Variants in SPATA13 observed in about 807,000 individuals in gnomAD.
SPATA13 encodes spermatogenesis associated 13.
In SPATA13, 50 loss-of-function variants were observed where a neutral mutation model predicts 104.0. The observed-to-expected ratio is 0.48, with a 90% CI of 0.38 to 0.61. SPATA13 has a LOEUF of 0.61. Ranked by LOEUF, SPATA13 falls within the 20% of genes least tolerant of loss-of-function variation. The pLI, the probability that SPATA13 is intolerant of heterozygous loss-of-function variation, is 0.00. For synonymous variants in SPATA13, 606 were observed against 667.5 expected (o/e 0.91, Z 1.42); for missense variants, 1,524 against 1,690.6 (o/e 0.90, Z 1.73).
At chr13:24,281,803 A>T (rs1875543468) in intron 4 of SPATA13, among the ~76,000 whole-genome samples, 1 of 152,030 alleles carries the variant, frequency 6.6e-6, no homozygotes, top group Non-Finnish European at 1.5e-5. Context: ...AGTCTGAGAG[A>T]GGGGCTGGGG....
chr13:24,047,078 G>A (rs960801479), intron 3 of SPATA13, among the ~76,000 whole-genome samples: 1 of 152,168 alleles, frequency 6.6e-6, no homozygotes, highest in African/African-American at 2.4e-5. Flanking sequence ...GAAATTGTAG[G>A]GGTGTGGAAA....
chr13:24,193,139 C>T (rs1426397920), intron 1 of SPATA13, among the ~76,000 whole-genome samples: 2 of 152,148 alleles, frequency 1.3e-5, no homozygotes, highest in African/African-American at 2.4e-5. Flanking sequence ...TGGGGAGGAC[C>T]TTCAGGAAGC....
intron 11 of SPATA13, among the ~76,000 whole-genome samples, chr13:24,299,517 G>A (rs927179144): frequency 6.6e-6 from 1 of 152,232 alleles, no homozygotes; most frequent in Non-Finnish European, 1.5e-5. Flanking sequence ...GGACAGCCCG[G>A]TGGCCAGCGT....
intron 1 of SPATA13, among the ~76,000 whole-genome samples, chr13:24,222,349 C>T (rs1871632712): frequency 6.6e-6 from 1 of 152,196 alleles, no homozygotes; most frequent in Non-Finnish European, 1.5e-5. Context: ...GCTCCTCATG[C>T]TTATTCCTGC....
rs1191227821 is a variant in SPATA13 at position 24,223,636 on chromosome 13, A to G, written c.707A>G (p.Glu236Gly). 7.7e-6 allele frequency: 12 copies of G among 1,551,928 alleles called. No homozygotes were observed. The highest frequency in any genetic ancestry group is 9.6e-6 in the Non-Finnish European group (11 of 1,147,110). ...ACTGGCCAGGTGCCCGCCGTGTGTG[A>G]GATTCTCGTGAGGGACCCTGAAAAC... ...IATGQVPAVC[E>G]ILVRDPENNS... The change falls in exon 2 of 13, where the codon GAG becomes GGG. Residue 236 changes from glutamate to glycine, a missense_variant. Glu to Gly is a moderately conservative substitution (Grantham distance 98, BLOSUM62 -2). Around this residue, in one of 2 missense-constraint regions of SPATA13, gnomAD observed 1,089 missense variants for 1,135.9 expected, o/e 0.96. Transcript: ENST00000382108.
At position 24,251,953 on chromosome 13, in the gene SPATA13, C is replaced by A. The variant is rs539027920; in HGVS notation, c.2164+91C>A. ...TGAGGCAGCAGGTTCTGCACCTTCG[C>A]GCCTCCCTTGGGCCAGGGCGCGTTT... On this transcript the variant is annotated intron_variant, in intron 4 of 12. Coordinates refer to ENST00000382108, the MANE Select transcript of SPATA13 (RefSeq NM_001166271.3). 2.7e-6 allele frequency: 4 copies of A among 1,486,948 alleles called. No homozygotes were observed. The African/African-American group carries it at 4.2e-5, about 16-fold the overall frequency. 92.1% of individuals were successfully genotyped at this position (1,486,948 alleles called of 1,614,324 possible).
At chr13:24,063,646 G>T (rs1878851494) in intron 3 of SPATA13, among the ~76,000 whole-genome samples, 1 of 152,126 alleles carries the variant, frequency 6.6e-6, no homozygotes, top group African/African-American at 2.4e-5. Context: ...GCCCACTCAA[G>T]TGGGGGCGGC....
chr13:24,226,696 G>A (rs1871960311), intron 2 of SPATA13, among the ~76,000 whole-genome samples: 2 of 152,196 alleles, frequency 1.3e-5, no homozygotes, highest in Admixed American at 6.5e-5. Flanking sequence ...CATCCCTGGG[G>A]AGGACCTCAG....
At chr13:24,027,604 G>A (rs1184239850) in intron 3 of SPATA13, among the ~76,000 whole-genome samples, 5 of 152,060 alleles carry the variant, frequency 3.3e-5, no homozygotes, top group African/African-American at 1.2e-4. Context: ...TTGAGTTGCT[G>A]TTTTTTATCT....
intron 3 of SPATA13, among the ~76,000 whole-genome samples, chr13:24,077,200 C>G (rs1023030430): frequency 7.8e-6 from 1 of 128,962 alleles, no homozygotes; most frequent in African/African-American, 2.9e-5. Context: ...TTATCTGGAA[C>G]ATGGAACAAA....
chr13:24,281,636 G>GGGTTTCTCTGAGAGGGGCACCCCAGGCA (rs71070675), intron 4 of SPATA13, among the ~76,000 whole-genome samples: 718 of 152,304 alleles, frequency 4.7e-3, no homozygotes, highest in Non-Finnish European at 8.7e-3. Context: ...TGGGATGTCG[G>GGGTTTCTCTGAGAGGGGCACCCCAGGCA]GGTTTCTCTG....
At chr13:24,049,369 C>T (rs914592187) in intron 3 of SPATA13, among the ~76,000 whole-genome samples, 6 of 152,188 alleles carry the variant, frequency 3.9e-5, no homozygotes, top group African/African-American at 1.2e-4. Context: ...AGTACAGTAA[C>T]GTGTGCAGGT....
intron 2 of SPATA13, among the ~76,000 whole-genome samples, chr13:23,993,550 C>T (rs1875516891): frequency 6.6e-6 from 1 of 152,196 alleles, no homozygotes; most frequent in African/African-American, 2.4e-5. Context: ...CAGTTTCTGC[C>T]AAGGACGTTC....
chr13:23,995,657 G>A (rs1199266188), intron 2 of SPATA13, among the ~76,000 whole-genome samples: 2 of 152,140 alleles, frequency 1.3e-5, no homozygotes, highest in Non-Finnish European at 2.9e-5. Context: ...TTTGTAATCT[G>A]GAAAGTTTTG....
chr13:24,126,232 G>A (rs762086180), intron 3 of SPATA13, among the ~76,000 whole-genome samples: 13 of 152,158 alleles, frequency 8.5e-5, no homozygotes, highest in South Asian at 2.1e-4. Context: ...GAGCCTTTGC[G>A]GCTGTGACCC....
chr13:24,123,000 C>T, intron 3 of SPATA13: 1 of 868,640 alleles, frequency 1.2e-6, no homozygotes, highest in South Asian at 1.3e-5. Context: ...GTCATCACTA[C>T]CTTCTTCATC....
chr13:24,021,401 G>T (rs1876966341), intron 3 of SPATA13, among the ~76,000 whole-genome samples: 2 of 152,354 alleles, frequency 1.3e-5, no homozygotes, highest in South Asian at 4.1e-4. Flanking sequence ...GCTGAGTCAG[G>T]AGGATCACTT....
intron 3 of SPATA13, among the ~76,000 whole-genome samples, chr13:24,044,288 A>G (rs993761242): frequency 1.4e-5 from 2 of 141,980 alleles, no homozygotes; most frequent in African/African-American, 5.3e-5. Flanking sequence ...GCTGGAGTGC[A>G]GCAGCGCTAT....
At chr13:24,227,835 G>T (rs1454363810) in intron 2 of SPATA13, among the ~76,000 whole-genome samples, 1 of 152,100 alleles carries the variant, frequency 6.6e-6, no homozygotes, top group African/African-American at 2.4e-5. Context: ...CTTCCAAAGT[G>T]CTAGGATTAT....
Sources: gnomAD v4.1 joint callset for allele counts (sites outside exome capture counted in the v4.1 genomes callset) on GRCh38, gnomAD v4.1.1 for gene constraint, gnomAD v4.1.1 regional missense constraint, MANE v1.5 for transcripts, NCBI Gene and HGNC (gene_info 2026-07-23, HGNC 2026-07-21) for gene names.